Variants in OR3A2 observed in about 807,000 individuals in gnomAD.
OR3A2 encodes olfactory receptor family 3 subfamily A member 2, also known as olfactory receptor 3A2.
For synonymous variants in OR3A2, 126 were observed against 159.3 expected (o/e 0.79, Z 1.57); for missense variants, 318 against 392.8 (o/e 0.81, Z 1.61).
chr17:3,330,751 C>G (rs896557633), intron 3 of OR3A2, among the ~76,000 whole-genome samples: 16 of 151,640 alleles, frequency 1.1e-4, no homozygotes, highest in Non-Finnish European at 1.8e-4. Context: ...TTGATCCTGT[C>G]ATTATGATGT....
chr17:3,299,945 T>C (rs1749110167), intron 3 of OR3A2, among the ~76,000 whole-genome samples: 1 of 152,134 alleles, frequency 6.6e-6, no homozygotes, highest in Admixed American at 6.6e-5. Context: ...TTTATTTTGG[T>C]GCATTATCTT....
At chr17:3,318,786 A>C (rs1762479350) in intron 3 of OR3A2, among the ~76,000 whole-genome samples, 1 of 152,158 alleles carries the variant, frequency 6.6e-6, no homozygotes, top group South Asian at 2.1e-4. Flanking sequence ...GTATATTTTC[A>C]ACACTTTTAT....
intron 3 of OR3A2, among the ~76,000 whole-genome samples, chr17:3,326,426 C>A (rs746132523): frequency 6.6e-6 from 1 of 151,902 alleles, no homozygotes; most frequent in Non-Finnish European, 1.5e-5. Context: ...GTCAGGGACC[C>A]CAAATGGAGG....
At chr17:3,309,850 T>C (rs1187558373) in intron 3 of OR3A2, 3 of 170,924 alleles carry the variant, frequency 1.8e-5, no homozygotes, top group African/African-American at 7.2e-5. Flanking sequence ...ACAGCACGTG[T>C]ATGCGGGGGG....
intron 3 of OR3A2, among the ~76,000 whole-genome samples, chr17:3,312,457 C>T (rs2049051686): frequency 6.6e-6 from 1 of 152,152 alleles, no homozygotes; most frequent in South Asian, 2.1e-4. Flanking sequence ...CATCATCAAA[C>T]ACCTGTTCCC....
intron 2 of OR3A2, among the ~76,000 whole-genome samples, chr17:3,371,928 C>T (rs1367294956): frequency 6.8e-6 from 1 of 147,642 alleles, no homozygotes; most frequent in African/African-American, 2.5e-5. Context: ...CGGGGGCTGA[C>T]CCCCACCTCC....
intron 2 of OR3A2, among the ~76,000 whole-genome samples, chr17:3,367,763 C>G (rs2049577273): frequency 6.6e-6 from 1 of 151,982 alleles, no homozygotes; most frequent in South Asian, 2.1e-4. Context: ...GGTAGATACC[C>G]AGTAGTGGGA....
chr17:3,337,196 C>G (rs1036406241), intron 2 of OR3A2, among the ~76,000 whole-genome samples: 8 of 152,140 alleles, frequency 5.3e-5, no homozygotes, highest in African/African-American at 1.9e-4. Flanking sequence ...TTTAAGGGTA[C>G]AGTTCAGTAG....
At chr17:3,327,806 A>T (rs1377539006) in intron 3 of OR3A2, among the ~76,000 whole-genome samples, 1 of 139,412 alleles carries the variant, frequency 7.2e-6, no homozygotes, top group Non-Finnish European at 1.5e-5. Flanking sequence ...CCATTTATTA[A>T]ATAGGGAATC....
intron 2 of OR3A2, among the ~76,000 whole-genome samples, chr17:3,375,947 G>T (rs1405402344): frequency 3.9e-5 from 6 of 152,204 alleles, no homozygotes; most frequent in Admixed American, 3.9e-4. Flanking sequence ...CCTGTGATGT[G>T]ATCTGTCTTC....
intron 3 of OR3A2, among the ~76,000 whole-genome samples, chr17:3,325,950 C>A (rs575114232): frequency 1.4e-4 from 21 of 152,082 alleles, no homozygotes; most frequent in Non-Finnish European, 2.8e-4. Context: ...TTCCCCTACT[C>A]CCCCTGAAGG....
rs964346823 is a variant in OR3A2 at position 3,311,372 on chromosome 17, T to A, written c.-85+24661A>T. On this transcript the variant is annotated intron_variant, in intron 3 of 4. Coordinates refer to the OR3A2 transcript ENST00000573491. The surrounding 1 kb of genome is among the most constrained non-coding windows in gnomAD (Gnocchi z 4.6). ...ATGGCCTATGACCGCTACCTGGCTA[T>A]CTGTCAGCTTCTCACCAACAGCACT... 1.9e-6 allele frequency: 1 copy of A among 523,586 alleles called. No homozygotes were observed. The highest frequency in any genetic ancestry group is 4.0e-6 in the Non-Finnish European group (1 of 252,310). 32.4% of individuals were successfully genotyped at this position (523,586 alleles called of 1,614,324 possible). A position where few individuals can be genotyped will look rare whatever the true frequency, so the allele number is the denominator to read the frequency against.
chr17:3,367,291 G>A (rs1248911430), intron 2 of OR3A2, among the ~76,000 whole-genome samples: 1 of 152,064 alleles, frequency 6.6e-6, no homozygotes, highest in East Asian at 1.9e-4. Flanking sequence ...AGTGATTTGC[G>A]ACATTTTGGT....
rs747882648 is a variant in OR3A2 at position 3,311,183 on chromosome 17, C to T, written c.-85+24850G>A. The stretch of plus-strand genomic sequence containing the variant: ...TCATCAGCCCCATGCTGAACCCACT[C>T]ATCTACTGGACATCTCTGCTGGACG... On this transcript the variant is annotated intron_variant, in intron 3 of 4. Transcript: ENST00000573491. This position sits in a 1 kb window ranked among gnomAD's most constrained non-coding sequence, Gnocchi z 4.6. 2 of 537,928 alleles carry T rather than the reference C, an allele frequency of 3.7e-6. No homozygotes were observed. The highest frequency in any genetic ancestry group is 2.8e-5 in the South Asian group (2 of 71,650). 33.3% of individuals were successfully genotyped at this position (537,928 alleles called of 1,614,324 possible).
At position 3,336,751 on chromosome 17, in the gene OR3A2, CTA is replaced by C. The variant is rs374043360; in HGVS notation, c.-178-627_-178-626del. Among the ~76,000 whole-genome samples the C allele has an allele frequency of 7.0e-4, 107 of 152,318 alleles. No homozygotes were observed. The South Asian group carries it at 0.022, about 31-fold the overall frequency. ...AGATGTCCTCTTAACTCTTTCCCCT[CTA>C]GACTAGACAGACTTCTCCACAAAAT... On this transcript the variant is annotated intron_variant, in intron 2 of 4. Coordinates refer to the OR3A2 transcript ENST00000573491.
intron 2 of OR3A2, among the ~76,000 whole-genome samples, chr17:3,361,337 A>G (rs1162928617): frequency 6.6e-6 from 1 of 151,596 alleles, no homozygotes; most frequent in African/African-American, 2.4e-5. Flanking sequence ...GGTTTTCTAG[A>G]TATACAATCA....
chr17:3,314,432 G>A (rs767611116), intron 3 of OR3A2, among the ~76,000 whole-genome samples: 1 of 152,158 alleles, frequency 6.6e-6, no homozygotes, highest in Non-Finnish European at 1.5e-5. Context: ...TTAAAAAGAA[G>A]AGTGAACGTA....
chr17:3,355,102 A>G (rs573008503), intron 2 of OR3A2, among the ~76,000 whole-genome samples: 4 of 151,536 alleles, frequency 2.6e-5, no homozygotes, highest in African/African-American at 2.4e-5. Context: ...TAGTTCACAT[A>G]GTTTCCAAAA....
chr17:3,378,524 G>A (rs534271524), intron 2 of OR3A2, among the ~76,000 whole-genome samples: 2 of 152,236 alleles, frequency 1.3e-5, no homozygotes. Flanking sequence ...CTGGGCAGCT[G>A]CAGCTGCGCC....
Sources: gnomAD v4.1 joint callset for allele counts (sites outside exome capture counted in the v4.1 genomes callset) on GRCh38, gnomAD v4.1.1 for gene constraint, Gnocchi (gnomAD v3.1) non-coding constraint, MANE v1.5 for transcripts, NCBI Gene and HGNC (gene_info 2026-07-23, HGNC 2026-07-21) for gene names.